GPC5: variants seen among roughly 807,000 people sequenced by gnomAD.
The protein encoded by GPC5 is glypican-5.
A neutral mutation model predicts 53.9 loss-of-function variants in GPC5; 47 were observed. The ratio of observed to expected loss-of-function variants is 0.87; its 90% CI spans 0.69 to 1.11. The LOEUF (loss-of-function observed/expected upper bound fraction) is 1.11, where lower values mean the gene tolerates loss of function less well. GPC5 is among the 50% of genes most tolerant of loss of function. The pLI, the probability that GPC5 is intolerant of heterozygous loss-of-function variation, is 0.00. For missense variants in GPC5, 748 were observed against 713.1 expected, an observed-to-expected ratio of 1.05 and a Z score of -0.56; for synonymous variants, 286 against 263.3, an observed-to-expected ratio of 1.09 and a Z score of -0.84.
At chr13:92,471,643 G>A (rs960455324) in intron 7 of GPC5, among the ~76,000 whole-genome samples, 1 of 152,064 alleles carries the variant, frequency 6.6e-6, no homozygotes, top group African/African-American at 2.4e-5. Flanking sequence ...TATATATAGA[G>A]AGAGAGGGAG....
chr13:92,432,118 A>C (rs1252871658), intron 7 of GPC5, among the ~76,000 whole-genome samples: 2 of 152,132 alleles, frequency 1.3e-5, no homozygotes, highest in Admixed American at 6.5e-5. Flanking sequence ...ACTTATAAGA[A>C]GAGAAACCAG....
chr13:92,238,299 A>C (rs1392946025), intron 7 of GPC5, among the ~76,000 whole-genome samples: 1 of 151,936 alleles, frequency 6.6e-6, no homozygotes, highest in African/African-American at 2.4e-5. Flanking sequence ...TCATCACTTT[A>C]TATTACCTCC....
At chr13:92,857,050 G>T (rs529387425) in intron 7 of GPC5, among the ~76,000 whole-genome samples, 2 of 152,056 alleles carry the variant, frequency 1.3e-5, no homozygotes, top group African/African-American at 4.8e-5. Context: ...AAAGCTGGAA[G>T]CATGACATTG....
At chr13:92,149,638 G>C (rs1047965427) in intron 7 of GPC5, among the ~76,000 whole-genome samples, 20 of 152,084 alleles carry the variant, frequency 1.3e-4, no homozygotes, top group African/African-American at 4.6e-4. Flanking sequence ...CACTTTACTA[G>C]CCGCTGAAGA....
At chr13:91,642,929 A>G (rs2034466677) in intron 2 of GPC5, among the ~76,000 whole-genome samples, 1 of 152,074 alleles carries the variant, frequency 6.6e-6, no homozygotes, top group Non-Finnish European at 1.5e-5. Context: ...CAGAGACAGG[A>G]AGGGAATCAG....
chr13:92,141,317 G>C (rs1360060094), intron 6 of GPC5, among the ~76,000 whole-genome samples: 10 of 152,110 alleles, frequency 6.6e-5, no homozygotes, highest in Non-Finnish European at 1.5e-4. Context: ...GTAGTACTGG[G>C]GACTGAGAAT....
At chr13:92,026,801 G>A (rs1175019504) in intron 6 of GPC5, among the ~76,000 whole-genome samples, 2 of 152,090 alleles carry the variant, frequency 1.3e-5, no homozygotes, top group African/African-American at 4.8e-5. Context: ...TTTCGGAGGT[G>A]AAATAGGAAA....
At chr13:91,622,108 C>CACCCTGGCAACTGATTAGATGGTGCTT (rs1366159537) in intron 2 of GPC5, among the ~76,000 whole-genome samples, 2 of 152,042 alleles carry the variant, frequency 1.3e-5, no homozygotes, top group East Asian at 3.9e-4. Flanking sequence ...TTATTCTAGC[C>CACCCTGGCAACTGATTAGATGGTGCTT]ACCCTGGCAA....
intron 5 of GPC5, among the ~76,000 whole-genome samples, chr13:91,850,703 C>T (rs2038903050): frequency 6.6e-6 from 1 of 151,764 alleles, no homozygotes; most frequent in Non-Finnish European, 1.5e-5. Context: ...CACACAAATG[C>T]CAGTGCTTTT....
At position 92,470,283 on chromosome 13, in the gene GPC5, C is replaced by T. The variant is rs772872308; in HGVS notation, c.1561+325294C>T. Among the ~76,000 whole-genome samples the T allele has an allele frequency of 3.9e-4, 59 of 152,194 alleles. 1 individual carries two copies. Among genetic ancestry groups the T allele is most frequent in the Middle Eastern group, 3.4e-3 (1 of 292 alleles). On this transcript the variant is annotated intron_variant, in intron 7 of 7. Coordinates refer to ENST00000377067, the MANE Select transcript of GPC5 (RefSeq NM_004466.6). ...TATTATTTGCTCTGCAATAGTAAAT[C>T]GGTTTGTATTTCACAGCAGATTGCA... is the stretch of plus-strand genomic sequence containing the variant.
intron 6 of GPC5, among the ~76,000 whole-genome samples, chr13:92,037,339 C>T (rs1314456874): frequency 6.6e-6 from 1 of 152,104 alleles, no homozygotes; most frequent in African/African-American, 2.4e-5. Flanking sequence ...GACTGTAAAA[C>T]TATTTCCCTC....
At chr13:92,206,643 AG>A (rs1213679139) in intron 7 of GPC5, among the ~76,000 whole-genome samples, 1 of 152,160 alleles carries the variant, frequency 6.6e-6, no homozygotes, top group Non-Finnish European at 1.5e-5. Context: ...TATATCCTGA[AG>A]ATGCTTTTAC....
At chr13:92,296,451 A>G (rs2043035151) in intron 7 of GPC5, among the ~76,000 whole-genome samples, 1 of 152,094 alleles carries the variant, frequency 6.6e-6, no homozygotes, top group African/African-American at 2.4e-5. Context: ...GATGGGGGTG[A>G]GATTCCCAGG....
intron 6 of GPC5, among the ~76,000 whole-genome samples, chr13:92,029,492 C>T (rs935501912): frequency 6.6e-6 from 1 of 152,182 alleles, no homozygotes; most frequent in African/African-American, 2.4e-5. Context: ...ACTTCTTCCA[C>T]CTTGGACAAC....
chr13:91,432,027 A>G (rs982309600), intron 1 of GPC5, among the ~76,000 whole-genome samples: 2 of 152,140 alleles, frequency 1.3e-5, no homozygotes, highest in African/African-American at 2.4e-5. Flanking sequence ...CCATGTGGGT[A>G]TGGTTTCATT....
Position 92,675,618 on chromosome 13 carries a change from A to G in GPC5, c.1562-190664A>G, listed in dbSNP as rs182650150. Among the ~76,000 whole-genome samples, 30 of 151,992 alleles carry G rather than the reference A, an allele frequency of 2.0e-4. No individual in the cohort carries two copies. The East Asian group carries it at 5.8e-3, about 30-fold the overall frequency. ...CTATAAAGCAAGTACGTGTACAACA[A>G]TGCCATTTTTTCAACTCCAAATAAA... On this transcript the variant is annotated intron_variant, in intron 7 of 7. Transcript: ENST00000377067.
intron 2 of GPC5, among the ~76,000 whole-genome samples, chr13:91,594,073 A>G (rs932511943): frequency 2.6e-5 from 4 of 152,212 alleles, no homozygotes; most frequent in Non-Finnish European, 5.9e-5. Flanking sequence ...ATCCCATGCT[A>G]TAATCTTTCT....
At chr13:92,567,591 G>C (rs1213047511) in intron 7 of GPC5, among the ~76,000 whole-genome samples, 1 of 152,120 alleles carries the variant, frequency 6.6e-6, no homozygotes, top group Non-Finnish European at 1.5e-5. Context: ...AAGTCAAAGA[G>C]TAAAAAGTCA....
chr13:92,281,846 T>C (rs2042917931), intron 7 of GPC5, among the ~76,000 whole-genome samples: 1 of 152,092 alleles, frequency 6.6e-6, no homozygotes, highest in Admixed American at 6.6e-5. Context: ...CCACCTCTTC[T>C]CCTCCAAAGG....
Sources: allele counts gnomAD v4.1 joint callset (sites outside exome capture counted in the v4.1 genomes callset), GRCh38; gene constraint gnomAD v4.1.1; transcripts MANE v1.5; gene names NCBI Gene and HGNC (gene_info 2026-07-23, HGNC 2026-07-21).